Variants in PSTPIP2 observed in about 807,000 individuals in gnomAD.
PSTPIP2 encodes the protein proline-serine-threonine phosphatase interacting protein 2, also known as proline-serine-threonine phosphatase-interacting protein 2.
Under a neutral mutation model 63.3 loss-of-function variants are expected in PSTPIP2, and 33 were observed. The observed-to-expected ratio is 0.52, with a 90% CI of 0.40 to 0.70. PSTPIP2 has a LOEUF of 0.70. Among genes scored for constraint, PSTPIP2 ranks in the 30% least tolerant of loss-of-function variants. The pLI is 0.00. For synonymous variants in PSTPIP2, 125 were observed against 132.7 expected (o/e 0.94, Z 0.40); for missense variants, 312 against 400.7 (o/e 0.78, Z 1.89).
At chr18:46,050,019 C>T (rs886705018) in intron 1 of PSTPIP2, among the ~76,000 whole-genome samples, 1 of 151,980 alleles carries the variant, frequency 6.6e-6, no homozygotes. Context: ...TAAAGGCAAA[C>T]AAACGAGATA....
At chr18:46,022,870 G>A (rs1907420562) in intron 3 of PSTPIP2, among the ~76,000 whole-genome samples, 2 of 152,100 alleles carry the variant, frequency 1.3e-5, no homozygotes, top group South Asian at 4.1e-4. Context: ...TGACCTAAAT[G>A]CCCATCAATG....
chr18:45,989,000 G>A (rs765623356), intron 13 of PSTPIP2, among the ~76,000 whole-genome samples: 3 of 152,152 alleles, frequency 2.0e-5, no homozygotes, highest in Non-Finnish European at 4.4e-5. Context: ...AGTACCCACA[G>A]TAAAATCATC....
intron 9 of PSTPIP2, among the ~76,000 whole-genome samples, chr18:45,995,462 GT>G: frequency 6.6e-6 from 1 of 152,182 alleles, no homozygotes; most frequent in Non-Finnish European, 1.5e-5. Flanking sequence ...TGCTTTACAT[GT>G]TTTTAAACCT....
At chr18:46,019,934 A>G (rs1423477576) in intron 3 of PSTPIP2, among the ~76,000 whole-genome samples, 2 of 152,218 alleles carry the variant, frequency 1.3e-5, no homozygotes, top group African/African-American at 4.8e-5. Context: ...GTATGATAGG[A>G]GATACAACTG....
In PSTPIP2 at chr18:46,039,958, A is replaced by G. The variant is rs1246262721; in HGVS notation, c.123T>C (p.Phe41=). The change falls in exon 2 of 15, where the codon TTT becomes TTC. Residue 41 remains phenylalanine, a synonymous_variant. Coordinates refer to ENST00000409746, the MANE Select transcript of PSTPIP2 (RefSeq NM_024430.4). ...GRKNCKEFED[F]LKERAAIEER... ...GAGCATCATCGTACCTTTCTTTTAG[A>G]AAGTCTTCAAACTCTTTGCAGTTCT... The G allele has an allele frequency of 6.2e-7, 1 of 1,611,626 alleles. No homozygotes were observed. Among genetic ancestry groups the G allele is most frequent in the African/African-American group, 1.3e-5 (1 of 74,984 alleles).
chr18:46,042,952 C>T (rs913598391), intron 1 of PSTPIP2, among the ~76,000 whole-genome samples: 7 of 152,080 alleles, frequency 4.6e-5, no homozygotes, highest in African/African-American at 1.2e-4. Context: ...CTCTGTAGTC[C>T]AGCCACTCCT....
intron 5 of PSTPIP2, among the ~76,000 whole-genome samples, chr18:46,007,743 G>A (rs1270839677): frequency 6.6e-6 from 1 of 152,158 alleles, no homozygotes; most frequent in Non-Finnish European, 1.5e-5. Context: ...CTCTCAGGTG[G>A]CTGCAACATT....
chr18:45,993,341 C>T (rs2051559182), intron 10 of PSTPIP2, among the ~76,000 whole-genome samples: 1 of 152,094 alleles, frequency 6.6e-6, no homozygotes, highest in South Asian at 2.1e-4. Flanking sequence ...GTGATCCACC[C>T]GTCTCAGCCT....
chr18:46,065,665 C>T (rs1909164187), intron 1 of PSTPIP2, among the ~76,000 whole-genome samples: 1 of 152,172 alleles, frequency 6.6e-6, no homozygotes, highest in African/African-American at 2.4e-5. Context: ...CAGGGTTTCA[C>T]CATATCGGCC....
At chr18:46,029,428 T>C in intron 2 of PSTPIP2, 2 of 1,432,962 alleles carry the variant, frequency 1.4e-6, no homozygotes, top group South Asian at 2.3e-5. Context: ...AAGTTTATGT[T>C]TGGGATGTGA....
At chr18:46,033,695 C>G (rs1907863998) in intron 2 of PSTPIP2, among the ~76,000 whole-genome samples, 1 of 118,896 alleles carries the variant, frequency 8.4e-6, no homozygotes, top group Non-Finnish European at 1.8e-5. Context: ...GAGACTCCAT[C>G]TCGAAAAAAA....
At chr18:45,996,281 G>C (rs1331260001) in intron 9 of PSTPIP2, among the ~76,000 whole-genome samples, 1 of 152,234 alleles carries the variant, frequency 6.6e-6, no homozygotes, top group African/African-American at 2.4e-5. Flanking sequence ...AGGAAAAAAG[G>C]AGTGGGGCAG....
chr18:46,046,074 T>A (rs1484333635), intron 1 of PSTPIP2, among the ~76,000 whole-genome samples: 2 of 152,252 alleles, frequency 1.3e-5, no homozygotes, highest in Non-Finnish European at 2.9e-5. Context: ...TATGGTCAAC[T>A]GACTTTCAAC....
At chr18:46,007,229 A>T (rs2051737856) in intron 5 of PSTPIP2, among the ~76,000 whole-genome samples, 1 of 152,248 alleles carries the variant, frequency 6.6e-6, no homozygotes, top group Admixed American at 6.5e-5. Context: ...AGATATCCGG[A>T]AGGAATATTG....
At chr18:46,001,081 C>A (rs181496348) in intron 6 of PSTPIP2, among the ~76,000 whole-genome samples, 21 of 152,320 alleles carry the variant, frequency 1.4e-4, no homozygotes, top group Admixed American at 1.1e-3. Flanking sequence ...CTTTGATCTA[C>A]TGATTTCCTT....
At chr18:46,031,194 T>C (rs1907777540) in intron 2 of PSTPIP2, among the ~76,000 whole-genome samples, 2 of 152,230 alleles carry the variant, frequency 1.3e-5, no homozygotes, top group Non-Finnish European at 2.9e-5. Flanking sequence ...TCTTGAGTTA[T>C]GGGCTCTGGT....
At chr18:45,989,257 C>A (rs1398978995) in intron 13 of PSTPIP2, among the ~76,000 whole-genome samples, 2 of 152,144 alleles carry the variant, frequency 1.3e-5, no homozygotes, top group Non-Finnish European at 2.9e-5. Context: ...ATAATTTCCA[C>A]CGTTGTGGGA....
At position 46,053,627 on chromosome 18, in the gene PSTPIP2, C is replaced by T. The variant is rs75388625; in HGVS notation, c.34-13580G>A. Among the ~76,000 whole-genome samples, 868 of 152,316 alleles carry T rather than the reference C, an allele frequency of 5.7e-3. 16 individuals are homozygous for T. Among genetic ancestry groups the T allele is most frequent in the Admixed American group, 0.032 (491 of 15,302 alleles). Reference sequence around the variant, plus strand: ...AGTCTGATTCATTGAAACTAAACCTCAACTAAATTGAGTTGAAAACTTATA... The same window carrying T: ...AGTCTGATTCATTGAAACTAAACCTTAACTAAATTGAGTTGAAAACTTATA... On this transcript the variant is annotated intron_variant, in intron 1 of 14. Transcript: ENST00000409746.
intron 2 of PSTPIP2, among the ~76,000 whole-genome samples, chr18:46,035,669 G>C (rs1457404315): frequency 6.6e-6 from 1 of 152,158 alleles, no homozygotes; most frequent in Non-Finnish European, 1.5e-5. Context: ...AAGAAAGGGA[G>C]AGTGTGTCTG....
Sources: gnomAD v4.1 joint callset for allele counts (sites outside exome capture counted in the v4.1 genomes callset) on GRCh38, gnomAD v4.1.1 for gene constraint, MANE v1.5 for transcripts, NCBI Gene and HGNC (gene_info 2026-07-23, HGNC 2026-07-21) for gene names.